Variants in VNN1 observed in about 807,000 individuals in gnomAD.
VNN1 encodes pantetheinase.
In VNN1, 29 loss-of-function variants were observed where a neutral mutation model predicts 41.9. That is an observed-to-expected ratio of 0.69 (90% CI 0.52 to 0.94). The LOEUF is 0.94. Among genes scored for constraint, VNN1 ranks in the 40% least tolerant of loss-of-function variants. The pLI is 0.00. For synonymous variants in VNN1, 233 were observed against 224.4 expected (o/e 1.04, Z -0.34); for missense variants, 637 against 621.1 (o/e 1.03, Z -0.27).
chr6:132,706,630 G>A (rs1187535146), intron 2 of VNN1, among the ~76,000 whole-genome samples: 1 of 152,124 alleles, frequency 6.6e-6, no homozygotes, highest in Non-Finnish European at 1.5e-5. Context: ...CACAGGCACA[G>A]GCAACCAAAG....
intron 5 of VNN1, among the ~76,000 whole-genome samples, chr6:132,690,703 C>T (rs113458538): frequency 6.6e-6 from 1 of 152,280 alleles, no homozygotes; most frequent in African/African-American, 2.4e-5. Flanking sequence ...ATATAGTAGG[C>T]CTTCATTTGC....
At chr6:132,701,591 A>G (rs945572429) in intron 2 of VNN1, among the ~76,000 whole-genome samples, 6 of 152,228 alleles carry the variant, frequency 3.9e-5, no homozygotes, top group Non-Finnish European at 7.3e-5. Flanking sequence ...AGGAGGAAGC[A>G]GAGGAAGATG....
chr6:132,693,153 C>G lies in VNN1; in HGVS notation c.697G>C (p.Val233Leu). 7 of 1,614,086 alleles carry G rather than the reference C, an allele frequency of 4.3e-6. No homozygotes were observed. The highest frequency in any genetic ancestry group is 5.9e-6 in the Non-Finnish European group (7 of 1,179,990). ...LVKDFHVDTI[V>L]FPTAWMNVLP... The stretch of plus-strand genomic sequence containing the variant: ...ACATTCATCCAAGCTGTTGGGAATA[C>G]TATGGTGTCCACGTGGAAATCTTTC... Residue 233 changes from valine (V) to leucine (L), a missense_variant, in exon 4 of 7, where the codon GTA (valine) becomes CTA (leucine). Coordinates refer to ENST00000367928, the MANE Select transcript of VNN1 (RefSeq NM_004666.3).
Position 132,705,834 on chromosome 6 carries a change from C to T in VNN1, c.341+5875G>A, listed in dbSNP as rs185799694. ...TCAGTAAAGTTGCAGGATACAAAATCAACATAAAAAATCAGTAGCATTTCT... is the reference window on the plus strand; with the variant it reads ...TCAGTAAAGTTGCAGGATACAAAATTAACATAAAAAATCAGTAGCATTTCT... On this transcript the variant is annotated intron_variant, in intron 2 of 6. Coordinates refer to ENST00000367928, the MANE Select transcript of VNN1 (RefSeq NM_004666.3). 2.8e-3 allele frequency among the ~76,000 whole-genome samples: 424 copies of T among 152,086 alleles called. 3 individuals carry two copies. Among genetic ancestry groups the T allele is most frequent in the African/African-American group, 9.6e-3 (399 of 41,526 alleles).
chr6:132,694,556 C>T (rs1778340684), intron 2 of VNN1, among the ~76,000 whole-genome samples: 1 of 152,084 alleles, frequency 6.6e-6, no homozygotes, highest in Non-Finnish European at 1.5e-5. Context: ...AGAAGAGAGG[C>T]ATTAAAAAAT....
chr6:132,691,585 T>C (rs964076205), intron 5 of VNN1, among the ~76,000 whole-genome samples: 5 of 152,188 alleles, frequency 3.3e-5, no homozygotes, highest in Non-Finnish European at 5.9e-5. Flanking sequence ...GGGTTTTCAA[T>C]GAACTCCTGT....
Position 132,692,283 on chromosome 6 carries a change from T to C in VNN1, c.1128A>G (p.Glu376=). 6.2e-7 allele frequency: 1 copy of C among 1,614,096 alleles called. No homozygotes were observed. Among genetic ancestry groups the C allele is most frequent in the South Asian group, 1.1e-5 (1 of 91,054 alleles). Reference sequence around the variant, plus strand: ...CGTCAAATGCCCCTAGAGCGTACACTTCATTTGGTATGTTCTCAGACATTT... The same window carrying C: ...CGTCAAATGCCCCTAGAGCGTACACCTCATTTGGTATGTTCTCAGACATTT... ...SYKMSENIPN[E]VYALGAFDGL... The change falls in exon 5 of 7, where the codon GAA becomes GAG. Residue 376 remains glutamate (E), a synonymous_variant. Coordinates refer to ENST00000367928, the MANE Select transcript of VNN1 (RefSeq NM_004666.3).
In VNN1 at chr6:132,693,984, T is replaced by G; in HGVS notation, c.534+6A>C. 1 of 1,614,058 alleles carries G rather than the reference T, an allele frequency of 6.2e-7. No homozygotes were observed. Among genetic ancestry groups the G allele is most frequent in the Non-Finnish European group, 8.5e-7 (1 of 1,179,966 alleles). On this transcript the variant is annotated splice_donor_region_variant and intron_variant, in intron 3 of 6. Transcript: ENST00000367928. ...ACTAATTGGATTATTTGCAAATTAA[T>G]TTTACCTTATGGTAGCGTGCCACCA... is the stretch of plus-strand genomic sequence containing the variant.
At chr6:132,684,198 C>T (rs1778172012) in intron 6 of VNN1, 137 bp downstream of exon 6, 1 of 843,192 alleles carries the variant, frequency 1.2e-6, no homozygotes, top group Non-Finnish European at 1.8e-6. Flanking sequence ...TGCTCAATGT[C>T]CTTCATGATC....
intron 2 of VNN1, among the ~76,000 whole-genome samples, chr6:132,695,547 G>C (rs1778356902): frequency 6.6e-6 from 1 of 152,118 alleles, no homozygotes; most frequent in African/African-American, 2.4e-5. Flanking sequence ...AGGTACAAAT[G>C]CAAAGGCAAG....
At chr6:132,686,171 G>C (rs1010443008) in intron 5 of VNN1, among the ~76,000 whole-genome samples, 3 of 152,226 alleles carry the variant, frequency 2.0e-5, no homozygotes, top group African/African-American at 7.2e-5. Context: ...TCTGGGCTGG[G>C]AGCAGTGGCT....
At position 132,694,031 on chromosome 6, in the gene VNN1, C is replaced by T. The variant is rs781268271; in HGVS notation, c.493G>A (p.Val165Ile). 6.8e-6 allele frequency: 11 copies of T among 1,614,108 alleles called. No homozygotes were observed. The highest frequency in any genetic ancestry group is 9.3e-6 in the Non-Finnish European group (11 of 1,180,004). ...DGRYQYNTDVVFDSQGKLVAR... is the reference protein window; with the variant it reads ...DGRYQYNTDVIFDSQGKLVAR... ...ACCAGTTTTCCTTGAGAATCAAATA[C>T]CACATCAGTGTTGTATTGGTAACGG... is the stretch of plus-strand genomic sequence containing the variant. The change falls in exon 3 of 7, where the codon GTA (valine) becomes ATA (isoleucine). Residue 165 changes from valine (V) to isoleucine (I), a missense_variant. Transcript: ENST00000367928.
chr6:132,693,760 C>T (rs1488947208), intron 3 of VNN1, among the ~76,000 whole-genome samples: 1 of 152,180 alleles, frequency 6.6e-6, no homozygotes, highest in African/African-American at 2.4e-5. Context: ...ATGCATGCGG[C>T]ACTTTCTGAC....
At position 132,692,479 on chromosome 6, in the gene VNN1, G is replaced by T. The variant is rs1352781118; in HGVS notation, c.932C>A (p.Ser311Tyr). Residue 311 changes from serine (S) to tyrosine (Y), a missense_variant, in exon 5 of 7, where the codon TCT becomes TAT. Ser to Tyr is a moderately radical substitution (Grantham distance 144). Coordinates refer to ENST00000367928, the MANE Select transcript of VNN1 (RefSeq NM_004666.3). ...ATAGGAAGTCCAGTTCACCACTGCA[G>T]AATGGGATGGGTGGGAATCCAGTTG... ...LSQLDSHPSH[S>Y]AVVNWTSYAS... The T allele has an allele frequency of 6.2e-7, 1 of 1,613,964 alleles. No homozygotes were observed. The highest frequency in any genetic ancestry group is 1.1e-5 in the South Asian group (1 of 91,084).
Position 132,692,360 on chromosome 6 carries a change from C to G in VNN1, c.1051G>C (p.Ala351Pro). ...TTCTGACAAACTGTATAATTTCCTGCAACTCCTGTGAGCTTCACAAAAGTG... is the reference window on the plus strand; with the variant it reads ...TTCTGACAAACTGTATAATTTCCTGGAACTCCTGTGAGCTTCACAAAAGTG... ...EFTFVKLTGV[A>P]GNYTVCQKDL... Residue 351 changes from alanine (A) to proline (P), a missense_variant, in exon 5 of 7, where the codon GCA (alanine) becomes CCA (proline). By Grantham distance (27) the Ala-to-Pro change is conservative (BLOSUM62 -1). Transcript: ENST00000367928. 6.2e-7 allele frequency: 1 copy of G among 1,614,182 alleles called. No individual in the cohort carries two copies. The highest frequency in any genetic ancestry group is 1.1e-5 in the South Asian group (1 of 91,084).
chr6:132,698,533 C>A (rs1478753366), intron 2 of VNN1, among the ~76,000 whole-genome samples: 1 of 152,184 alleles, frequency 6.6e-6, no homozygotes, highest in African/African-American at 2.4e-5. Context: ...ACACAAAACT[C>A]TGAAATAACA....
At chr6:132,692,961 TG>T in intron 4 of VNN1, 62 bp downstream of exon 4, 7 of 1,471,258 alleles carry the variant, frequency 4.8e-6, no homozygotes, top group South Asian at 4.2e-5. Context: ...TAGAAAAACA[TG>T]TTTTTTTTTT....
At chr6:132,683,377 A>T in intron 6 of VNN1, 55 bp from the exon 7 acceptor site, 4 of 1,520,862 alleles carry the variant, frequency 2.6e-6, no homozygotes, top group Non-Finnish European at 3.6e-6. Flanking sequence ...CAATCCCATA[A>T]ATCACTTTTA....
intron 5 of VNN1, among the ~76,000 whole-genome samples, chr6:132,689,994 C>G (rs1445345141): frequency 1.3e-5 from 2 of 152,216 alleles, no homozygotes; most frequent in Non-Finnish European, 2.9e-5. Flanking sequence ...TCTGGACTCT[C>G]CATTCCGTTT....
Sources: allele counts gnomAD v4.1 joint callset (sites outside exome capture counted in the v4.1 genomes callset), GRCh38; gene constraint gnomAD v4.1.1; transcripts MANE v1.5; gene names NCBI Gene and HGNC (gene_info 2026-07-23, HGNC 2026-07-21).